The following GAREM1 variants were observed in gnomAD, a reference collection of about 807,000 sequenced individuals.
GAREM1 encodes GRB2-associated and regulator of MAPK protein 1.
GAREM1 carries 26 observed loss-of-function variants against 71.3 expected under a neutral mutation model. The ratio of observed to expected loss-of-function variants is 0.36; its 90% confidence interval spans 0.27 to 0.51. The LOEUF (loss-of-function observed/expected upper bound fraction) is 0.51, where lower values mean the gene tolerates loss of function less well. GAREM1 is among the 20% of genes least tolerant of loss of function. The pLI, the probability that GAREM1 is intolerant of heterozygous loss-of-function variation, is 0.95. For missense variants in GAREM1, 1,026 were observed against 1,103.1 expected, an observed-to-expected ratio of 0.93 and a Z score of 0.99; for synonymous variants, 440 against 433.2, an observed-to-expected ratio of 1.02 and a Z score of -0.20.
intron 1 of GAREM1, among the ~76,000 whole-genome samples, chr18:32,441,866 T>C (rs1263046611): frequency 6.6e-5 from 10 of 152,204 alleles, no homozygotes; most frequent in Admixed American, 6.6e-4. Context: ...CTATCCCTGA[T>C]GCAACCTACC....
At chr18:32,427,399 TTC>T (rs1471759435) in intron 1 of GAREM1, among the ~76,000 whole-genome samples, 1 of 152,202 alleles carries the variant, frequency 6.6e-6, no homozygotes, top group Non-Finnish European at 1.5e-5. Flanking sequence ...CCCCAAATCA[TTC>T]TGTTAATAAA....
Position 32,268,626 on chromosome 18 carries a change from A to T in GAREM1, c.1876T>A (p.Trp626Arg), listed in dbSNP as rs745899962. The change falls in exon 6 of 6, where the codon TGG becomes AGG. Residue 626 changes from tryptophan (W) to arginine (R), a missense_variant. Physicochemically the swap from Trp to Arg is moderately radical, Grantham distance 101. Transcript: ENST00000269209. ...SAEAVSSRLS[W>R]PNHYSGASES... ...GATGCTCCTGAATAATGGTTAGGCC[A>T]TGAGAGCCGAGAGGACACAGCTTCA... 16 of 1,614,116 alleles carry T rather than the reference A, an allele frequency of 9.9e-6. No individual in the cohort carries two copies. The South Asian group carries it at 1.6e-4, about 17-fold the overall frequency.
At chr18:32,401,266 G>GTA (rs1453656285) in intron 1 of GAREM1, among the ~76,000 whole-genome samples, 4 of 151,928 alleles carry the variant, frequency 2.6e-5, no homozygotes, top group Non-Finnish European at 5.9e-5. Flanking sequence ...CATGGCACAT[G>GTA]TATACATATG....
At chr18:32,400,254 C>CA (rs1416125373) in intron 1 of GAREM1, among the ~76,000 whole-genome samples, 3 of 152,130 alleles carry the variant, frequency 2.0e-5, no homozygotes, top group Non-Finnish European at 4.4e-5. Context: ...ATTCAGGACA[C>CA]AGGCATGGGC....
At chr18:32,434,341 G>A (rs1056345583) in intron 1 of GAREM1, among the ~76,000 whole-genome samples, 1 of 152,120 alleles carries the variant, frequency 6.6e-6, no homozygotes, top group South Asian at 2.1e-4. Flanking sequence ...TTTCCTAACT[G>A]TGAGCTAGAA....
intron 3 of GAREM1, among the ~76,000 whole-genome samples, chr18:32,302,668 A>G (rs2047212389): frequency 6.6e-6 from 1 of 152,190 alleles, no homozygotes; most frequent in Non-Finnish European, 1.5e-5. Context: ...CATCAAACTC[A>G]TGGATACAGA....
intron 2 of GAREM1, among the ~76,000 whole-genome samples, chr18:32,368,195 G>T (rs1354455641): frequency 6.6e-6 from 1 of 152,000 alleles, no homozygotes; most frequent in Admixed American, 6.6e-5. Flanking sequence ...TTCCTCAATA[G>T]ATTCAGGCAC....
In GAREM1 at chr18:32,287,714, T is replaced by C. The variant is rs1298315883; in HGVS notation, c.883A>G (p.Met295Val). Reference sequence around the variant, plus strand: ...ACAGTCAAGTGCAAAGGAAAGTGCATGGGGAGGATCTTGTTGTTCCGCAGC... The same window carrying C: ...ACAGTCAAGTGCAAAGGAAAGTGCACGGGGAGGATCTTGTTGTTCCGCAGC... The part of the protein sequence containing the change: ...CVLRNNKILP[M>V]HFPLHLTVPK... The change falls in exon 4 of 6, where the codon ATG becomes GTG. Residue 295 changes from methionine (M) to valine (V), a missense_variant. This residue lies in a region of GAREM1 where 218 missense variants were observed against 296.8 expected (regional missense o/e 0.73). Transcript: ENST00000269209. This position sits in a 1 kb window ranked among gnomAD's most constrained non-coding sequence, Gnocchi z 5.9. 4 of 1,613,976 alleles carry C rather than the reference T, an allele frequency of 2.5e-6. No homozygotes were observed. Among genetic ancestry groups the C allele is most frequent in the African/African-American group, 1.3e-5 (1 of 74,968 alleles).
At chr18:32,306,471 C>CT (rs34231686) in intron 3 of GAREM1, among the ~76,000 whole-genome samples, 36,444 of 151,836 alleles carry the variant, frequency 0.24, 4,879 homozygotes, top group African/African-American at 0.36. Context: ...CAACCCCCCC[C>CT]ACCCACTAAA....
chr18:32,380,944 A>G (rs768068560), intron 2 of GAREM1, among the ~76,000 whole-genome samples: 4 of 152,042 alleles, frequency 2.6e-5, no homozygotes, highest in Non-Finnish European at 4.4e-5. Context: ...TGAATTTGTC[A>G]TAGTACTGAA....
intron 1 of GAREM1, among the ~76,000 whole-genome samples, chr18:32,468,425 T>C (rs1032376805): frequency 6.6e-6 from 1 of 152,204 alleles, no homozygotes; most frequent in African/African-American, 2.4e-5. Flanking sequence ...TCCAAATTTG[T>C]ATGTGCCACT....
chr18:32,307,314 G>A (rs1429728352), intron 3 of GAREM1, among the ~76,000 whole-genome samples: 1 of 152,078 alleles, frequency 6.6e-6, no homozygotes, highest in Admixed American at 6.5e-5. Context: ...AATTTACGCT[G>A]TATCTGAAGT....
intron 2 of GAREM1, among the ~76,000 whole-genome samples, chr18:32,372,638 T>A (rs905767509): frequency 1.3e-5 from 2 of 152,180 alleles, no homozygotes; most frequent in Non-Finnish European, 2.9e-5. Context: ...ACACCTGCCT[T>A]CTGCTTCATG....
intron 2 of GAREM1, among the ~76,000 whole-genome samples, chr18:32,362,784 G>A (rs2047878461): frequency 6.6e-6 from 1 of 152,126 alleles, no homozygotes; most frequent in East Asian, 1.9e-4. Flanking sequence ...ATGAGGAAAG[G>A]AGAGATGTTT....
At chr18:32,460,174 AAAC>A (rs1267782529) in intron 1 of GAREM1, among the ~76,000 whole-genome samples, 4 of 152,026 alleles carry the variant, frequency 2.6e-5, no homozygotes, top group Admixed American at 6.6e-5. Context: ...ATTGGAGAAA[AAAC>A]AACAACAGAA....
At chr18:32,273,429 C>T (rs1292770730) in intron 4 of GAREM1, among the ~76,000 whole-genome samples, 1 of 152,150 alleles carries the variant, frequency 6.6e-6, no homozygotes, top group African/African-American at 2.4e-5. Context: ...CCCGAACTCC[C>T]CTCTTCCTGT....
At chr18:32,274,406 C>G (rs2041509721) in intron 4 of GAREM1, among the ~76,000 whole-genome samples, 1 of 152,110 alleles carries the variant, frequency 6.6e-6, no homozygotes, top group Non-Finnish European at 1.5e-5. Flanking sequence ...GTCAATCACC[C>G]TATCTCCAGT....
Position 32,287,997 on chromosome 18 carries a change from A to G in GAREM1, c.600T>C (p.Cys200=), listed in dbSNP as rs373681848. The change falls in exon 4 of 6, where the codon TGT becomes TGC. Residue 200 remains cysteine, a synonymous_variant. Transcript: ENST00000269209. The surrounding 1 kb of genome is among the most constrained non-coding windows in gnomAD (Gnocchi z 5.9). ...LGKGKMPCLI[C]MNHRTNESIS... Reference sequence around the variant, plus strand: ...TGCTTTCGTTGGTCCGGTGATTCATACAAATGAGGCACGGCATTTTGCCTT... The same window carrying G: ...TGCTTTCGTTGGTCCGGTGATTCATGCAAATGAGGCACGGCATTTTGCCTT... 3.5e-5 allele frequency: 57 copies of G among 1,614,200 alleles called. No homozygotes were observed. The African/African-American group carries it at 6.0e-4, about 17-fold the overall frequency.
intron 2 of GAREM1, among the ~76,000 whole-genome samples, chr18:32,349,320 T>C (rs1322518250): frequency 6.6e-6 from 1 of 152,214 alleles, no homozygotes; most frequent in Admixed American, 6.5e-5. Context: ...AAAGTTCAAC[T>C]ACTCCCTTCA....
Sources: allele counts gnomAD v4.1 joint callset (sites outside exome capture counted in the v4.1 genomes callset), GRCh38; gene constraint gnomAD v4.1.1; regional missense constraint gnomAD v4.1.1; non-coding constraint Gnocchi (gnomAD v3.1); transcripts MANE v1.5; gene names NCBI Gene and HGNC (gene_info 2026-07-23, HGNC 2026-07-21).